The following IFI27L2 variants were observed in gnomAD, a reference collection of about 807,000 sequenced individuals.
IFI27L2 encodes the protein interferon alpha-inducible protein 27-like protein 2.
A neutral mutation model predicts 7.9 loss-of-function variants in IFI27L2; 8 were observed. The ratio of observed to expected loss-of-function variants is 1.02; its 90% CI spans 0.60 to 1.84. IFI27L2 has a LOEUF of 1.84. IFI27L2 is among the 40% of genes most tolerant of loss of function. The pLI, the probability that IFI27L2 is intolerant of heterozygous loss-of-function variation, is 0.00. For synonymous variants in IFI27L2, 56 were observed against 66.5 expected (o/e 0.84, Z 0.77); for missense variants, 190 against 165.8 (o/e 1.15, Z -0.80).
At chr14:94,128,413 G>T in intron 3 of IFI27L2, 101 bp downstream of exon 3, 2 of 1,053,194 alleles carry the variant, frequency 1.9e-6, no homozygotes, top group Non-Finnish European at 1.4e-6. Context: ...GACCCAGGAA[G>T]CTGAGGGTCA....
chr14:94,128,755 T>G, intron 2 of IFI27L2, 80 bp from the exon 3 acceptor site: 3 of 1,238,118 alleles, frequency 2.4e-6, no homozygotes, highest in African/African-American at 1.5e-5. Context: ...TAGGAATTCC[T>G]TGACAGTTTC....
Position 94,128,499 on chromosome 14 carries a change from G to A in IFI27L2, c.199+15C>T, listed in dbSNP as rs1887625379. 1.9e-6 allele frequency: 3 copies of A among 1,613,234 alleles called. No individual in the cohort carries two copies. Among genetic ancestry groups the A allele is most frequent in the Non-Finnish European group, 2.5e-6 (3 of 1,179,288 alleles). On this transcript the variant is annotated intron_variant, in intron 3 of 3. Coordinates refer to ENST00000238609, the MANE Select transcript of IFI27L2 (RefSeq NM_032036.3). The stretch of plus-strand genomic sequence containing the variant: ...ATCTTCTCGCAGCTCTGGTGGTCCT[G>A]TCTAGGACACTTACCCACGGACTGC...
intron 3 of IFI27L2, 56 bp from the exon 4 acceptor site, chr14:94,128,048 C>G: frequency 8.1e-7 from 1 of 1,231,510 alleles, no homozygotes. Context: ...AGAAATCCCA[C>G]CCGGATCCCT....
At chr14:94,128,467 G>A in intron 3 of IFI27L2, 47 bp downstream of exon 3, 1 of 1,585,930 alleles carries the variant, frequency 6.3e-7, no homozygotes, top group Non-Finnish European at 8.7e-7. Context: ...CTCAGCCTCA[G>A]GGCTGGATCT....
rs746594656 is a variant in IFI27L2, at chr14:94,129,244, G to A, written c.37+18C>T. On this transcript the variant is annotated intron_variant, in intron 2 of 3. Coordinates refer to ENST00000238609, the MANE Select transcript of IFI27L2 (RefSeq NM_032036.3). ...AGGCTAGGTGAGGGCCTGGAGACAG[G>A]CGATCCGGGTAACTTACCTCCTCCC... 2 of 1,609,802 alleles carry A rather than the reference G, an allele frequency of 1.2e-6. No individual in the cohort carries two copies. Among genetic ancestry groups the A allele is most frequent in the Non-Finnish European group, 1.7e-6 (2 of 1,176,584 alleles).
At position 94,129,492 on chromosome 14, in the gene IFI27L2, T is replaced by C. The variant is rs540245814; in HGVS notation, c.7+66A>G. On this transcript the variant is annotated intron_variant, in intron 1 of 3. Transcript: ENST00000238609. ...AATGAAGCTATTCCCTGTCCCTTCC[T>C]GGGCTGGGGTTGGGGAAGCCTGCCC... 188 of 1,476,368 alleles carry C rather than the reference T, an allele frequency of 1.3e-4. No individual in the cohort carries two copies. The African/African-American group carries it at 2.1e-3, about 17-fold the overall frequency. The allele number at this position is 1,476,368 out of a possible 1,614,324, so 91.5% of individuals were successfully genotyped here. A position where few individuals can be genotyped will look rare whatever the true frequency, so the allele number is the denominator to read the frequency against.
chr14:94,129,580 G>A lies in IFI27L2; in HGVS notation c.-16C>T. ...CACTCATCATGGTGAGGCCGTCCGG[G>A]TCCCAACTTGGCCCAGGAAATGACA... On this transcript the variant is annotated 5_prime_UTR_variant, in exon 1 of 4. Coordinates refer to ENST00000238609, the MANE Select transcript of IFI27L2 (RefSeq NM_032036.3). The A allele has an allele frequency of 6.2e-7, 1 of 1,613,610 alleles. No homozygotes were observed. Among genetic ancestry groups the A allele is most frequent in the Non-Finnish European group, 8.5e-7 (1 of 1,179,650 alleles).
intron 3 of IFI27L2, 130 bp downstream of exon 3, chr14:94,128,384 C>G (rs1887623578): frequency 1.3e-6 from 1 of 769,210 alleles, no homozygotes; most frequent in African/African-American, 1.7e-5. Flanking sequence ...GAAGAGGGGA[C>G]AGTGAGGGAG....
Position 94,127,938 on chromosome 14 carries a change from A to G in IFI27L2, c.254T>C (p.Val85Ala), listed in dbSNP as rs1176115921. The change falls in exon 4 of 4, where the codon GTG becomes GCG. Residue 85 changes from valine to alanine, a missense_variant. Physicochemically the swap from Val to Ala is moderately conservative, Grantham distance 64 (BLOSUM62 0). Transcript: ENST00000238609. ...SNILLASVGS[V>A]LGACLGNSPS... ...TGAATTCCCCAAGCAGGCCCCCAAC[A>G]CTGACCCAACAGAGGCCAGGAGGAT... The G allele has an allele frequency of 6.2e-7, 1 of 1,613,846 alleles. No homozygotes were observed. Among genetic ancestry groups the G allele is most frequent in the Non-Finnish European group, 8.5e-7 (1 of 1,179,916 alleles).
At chr14:94,128,466 A>C in intron 3 of IFI27L2, 48 bp downstream of exon 3, 1 of 1,581,290 alleles carries the variant, frequency 6.3e-7, no homozygotes. Context: ...GCTCAGCCTC[A>C]GGGCTGGATC....
intron 1 of IFI27L2, 119 bp downstream of exon 1, chr14:94,129,439 G>GT: frequency 1.8e-6 from 2 of 1,136,884 alleles, no homozygotes; most frequent in Non-Finnish European, 2.7e-6. Context: ...GAGGGAGTCA[G>GT]TAGGTCAGCT....
chr14:94,129,483 G>C (rs1887645761), intron 1 of IFI27L2, 75 bp downstream of exon 1: 1 of 1,418,342 alleles, frequency 7.1e-7, no homozygotes, highest in Non-Finnish European at 1.0e-6. Flanking sequence ...GCTATTCCCT[G>C]TCCCTTCCTG....
rs577127970 is a variant in IFI27L2, at chr14:94,129,289, G to C, written c.10C>G (p.Arg4Gly). 1.4e-5 allele frequency: 22 copies of C among 1,600,116 alleles called. No individual in the cohort carries two copies. The highest frequency in any genetic ancestry group is 1.9e-5 in the Non-Finnish European group (22 of 1,172,080). ...CCTCCCACTGCAGCAGCAGCTGCCC[G>C]TTCTAGAGAGAGAGTGCCAGGGGAA... MMK[R>G]AAAAAVGGAL... Residue 4 changes from arginine to glycine, a missense_variant and splice_region_variant, in exon 2 of 4, where the codon CGG (arginine) becomes GGG (glycine). Arg to Gly is a moderately radical substitution (Grantham distance 125, BLOSUM62 -2). Coordinates refer to ENST00000238609, the MANE Select transcript of IFI27L2 (RefSeq NM_032036.3).
rs1887627035 is a variant in IFI27L2, at chr14:94,128,578, TG to T, written c.134del (p.Ala45GlufsTer?). 6.2e-7 allele frequency: 1 copy of T among 1,614,210 alleles called. No homozygotes were observed. The highest frequency in any genetic ancestry group is 2.2e-5 in the East Asian group (1 of 44,880). On this transcript the variant is annotated frameshift_variant, in exon 3 of 4. Transcript: ENST00000238609. LOFTEE classifies it high-confidence loss of function. Reference protein sequence around the residue: ...ASSIAAKMMSAAAIANGGGVS... With the variant: ...ASSIAAKMMSXAAIANGGGVS... ...CACCACCCCCGTTGGCAATGGCTGC[TG>T]CGGACATCATCTTGGCTGCTATGGA...
rs763782346 is a variant in IFI27L2 at position 94,128,501 on chromosome 14, C to T, written c.199+13G>A. ...CTTCTCGCAGCTCTGGTGGTCCTGT[C>T]TAGGACACTTACCCACGGACTGCAG... is the stretch of plus-strand genomic sequence containing the variant. On this transcript the variant is annotated intron_variant, in intron 3 of 3. Transcript: ENST00000238609. The T allele has an allele frequency of 6.2e-7, 1 of 1,613,670 alleles. No homozygotes were observed. Among genetic ancestry groups the T allele is most frequent in the Non-Finnish European group, 8.5e-7 (1 of 1,179,634 alleles).
Position 94,127,942 on chromosome 14 carries a change from AC to A in IFI27L2, c.249del (p.Ser84GlnfsTer?). The A allele has an allele frequency of 1.2e-6, 2 of 1,613,856 alleles. No individual in the cohort carries two copies. The highest frequency in any genetic ancestry group is 8.5e-7 in the Non-Finnish European group (1 of 1,179,918). On this transcript the variant is annotated frameshift_variant, in exon 4 of 4. Transcript: ENST00000238609. LOFTEE classifies it low-confidence loss of function (END_TRUNC). ...TSSNILLASV[G>X]SVLGACLGNS... ...TTCCCCAAGCAGGCCCCCAACACTG[AC>A]CCAACAGAGGCCAGGAGGATGTTGG... is the stretch of plus-strand genomic sequence containing the variant.
In IFI27L2 at chr14:94,128,012, T is replaced by C. The variant is rs370223215; in HGVS notation, c.200-20A>G. 3.5e-4 allele frequency: 550 copies of C among 1,580,074 alleles called. 2 individuals are homozygous for C. In the African/African-American group the frequency reaches 6.7e-3, roughly 19 times the overall value. On this transcript the variant is annotated intron_variant, in intron 3 of 3. Coordinates refer to ENST00000238609, the MANE Select transcript of IFI27L2 (RefSeq NM_032036.3). ...CTGCCCCTGTGGAGGAGACAGAGAA[T>C]GAGCACAGGGGTCGGGCAGTGGCCC...
chr14:94,128,753 C>T, intron 2 of IFI27L2, 78 bp from the exon 3 acceptor site: 5 of 1,251,134 alleles, frequency 4.0e-6, no homozygotes, highest in Middle Eastern at 2.0e-4. Flanking sequence ...CTTAGGAATT[C>T]CTTGACAGTT....
intron 2 of IFI27L2, 73 bp from the exon 3 acceptor site, chr14:94,128,748 G>C (rs896650896): frequency 1.5e-6 from 2 of 1,310,048 alleles, no homozygotes; most frequent in African/African-American, 2.9e-5. Context: ...CCCCGCTTAG[G>C]AATTCCTTGA....
Sources: gnomAD v4.1 joint callset for allele counts on GRCh38, gnomAD v4.1.1 for gene constraint, MANE v1.5 for transcripts, NCBI Gene and HGNC (gene_info 2026-07-23, HGNC 2026-07-21) for gene names.